Variants in GNG7 observed in about 807,000 individuals in gnomAD.
GNG7 encodes guanine nucleotide-binding protein G(I)/G(S)/G(O) subunit gamma-7.
In GNG7, 1 loss-of-function variant was observed where a neutral mutation model predicts 4.0. That is an observed-to-expected ratio of 0.25 (90% CI 0.09 to 1.18). The LOEUF is 1.18. Among genes scored for constraint, GNG7 ranks in the 50% most tolerant of loss-of-function variants. The pLI, the probability that GNG7 is intolerant of heterozygous loss-of-function variation, is 0.50. For synonymous variants in GNG7, 34 were observed against 36.9 expected, an observed-to-expected ratio of 0.92 and a Z score of 0.29; for missense variants, 86 against 91.9, an observed-to-expected ratio of 0.94 and a Z score of 0.26.
chr19:2,620,853 A>G (rs894317336), intron 2 of GNG7, among the ~76,000 whole-genome samples: 1 of 151,318 alleles, frequency 6.6e-6, no homozygotes, highest in Admixed American at 6.6e-5. Flanking sequence ...CAGAGAACAG[A>G]CTCCTGCGGT....
chr19:2,565,237 C>T (rs913142483), intron 2 of GNG7, among the ~76,000 whole-genome samples: 11 of 151,200 alleles, frequency 7.3e-5, no homozygotes, highest in South Asian at 2.1e-4. Flanking sequence ...CTGTGCCAGG[C>T]GCGGTGGCTC....
At chr19:2,520,881 T>C (rs764011188) in intron 3 of GNG7, among the ~76,000 whole-genome samples, 156 bp from the exon 4 acceptor site, 4 of 152,114 alleles carry the variant, frequency 2.6e-5, no homozygotes, top group Admixed American at 6.6e-5. Context: ...GAGCTGGCAC[T>C]CGTTTAACTC....
chr19:2,644,783 T>G (rs1982621901), intron 2 of GNG7, among the ~76,000 whole-genome samples: 1 of 152,232 alleles, frequency 6.6e-6, no homozygotes, highest in Admixed American at 6.5e-5. Context: ...ACATCCACAC[T>G]GTGGCCTGTG....
chr19:2,565,347 T>A (rs905633241), intron 2 of GNG7, among the ~76,000 whole-genome samples: 3 of 151,430 alleles, frequency 2.0e-5, no homozygotes, highest in Non-Finnish European at 4.4e-5. Flanking sequence ...CCGTCTCTAC[T>A]AAAAAAATAC....
chr19:2,615,924 G>A (rs955613141), intron 2 of GNG7, among the ~76,000 whole-genome samples: 12 of 152,178 alleles, frequency 7.9e-5, no homozygotes, highest in East Asian at 1.9e-4. Flanking sequence ...GAAGGGCCTC[G>A]GCAAAGGGGC....
At position 2,614,431 on chromosome 19, in the gene GNG7, T is replaced by A. The variant is rs1025841074; in HGVS notation, c.-78+31793A>T. ...GCCCCCCAAAAAGACACCCCATCCC[T>A]ATCAGCTGTCACTTCCCATCCCCCT... is the stretch of plus-strand genomic sequence containing the variant. On this transcript the variant is annotated intron_variant, in intron 2 of 4. Coordinates refer to ENST00000382159, the MANE Select transcript of GNG7 (RefSeq NM_052847.3). This position sits in a 1 kb window ranked among gnomAD's most constrained non-coding sequence, Gnocchi z 6.0. Among the ~76,000 whole-genome samples the A allele has an allele frequency of 6.6e-5, 10 of 152,058 alleles. No homozygotes were observed. Among genetic ancestry groups the A allele is most frequent in the Admixed American group, 6.6e-4 (10 of 15,266 alleles).
chr19:2,669,021 C>A (rs995548957), intron 1 of GNG7, among the ~76,000 whole-genome samples: 1 of 152,168 alleles, frequency 6.6e-6, no homozygotes, highest in Non-Finnish European at 1.5e-5. Context: ...ATAAGGGATA[C>A]ATATAATCCT....
intron 4 of GNG7, among the ~76,000 whole-genome samples, chr19:2,518,335 G>A (rs1282335663): frequency 2.0e-5 from 3 of 152,154 alleles, no homozygotes; most frequent in African/African-American, 7.2e-5. Context: ...CCCGGGCTGG[G>A]GGCTGGCACC....
chr19:2,521,619 T>TTTTTG (rs1978309347), intron 3 of GNG7, among the ~76,000 whole-genome samples: 1 of 143,448 alleles, frequency 7.0e-6, no homozygotes, highest in Non-Finnish European at 1.5e-5. Flanking sequence ...CGTGTTTTTT[T>TTTTTG]TTTTTTTTTT....
At chr19:2,554,829 A>G (rs2144762606) in intron 3 of GNG7, among the ~76,000 whole-genome samples, 1 of 152,294 alleles carries the variant, frequency 6.6e-6, no homozygotes, top group East Asian at 1.9e-4. Context: ...TGCTGGGATT[A>G]CAGGCGTGAG....
rs1169205447 is a variant in GNG7 at position 2,618,512 on chromosome 19, C to A, written c.-78+27712G>T. Among the ~76,000 whole-genome samples the A allele has an allele frequency of 6.6e-6, 1 of 151,922 alleles. No homozygotes were observed. The highest frequency in any genetic ancestry group is 2.4e-5 in the African/African-American group (1 of 41,342). ...TACAGGCACGTGCCACCACACCCAC[C>A]TAATTTTTGTATTTTCAGTGGAGAC... is the stretch of plus-strand genomic sequence containing the variant. On this transcript the variant is annotated intron_variant, in intron 2 of 4. Coordinates refer to ENST00000382159, the MANE Select transcript of GNG7 (RefSeq NM_052847.3). The surrounding 1 kb of genome is among the most constrained non-coding windows in gnomAD (Gnocchi z 5.1).
intron 2 of GNG7, among the ~76,000 whole-genome samples, chr19:2,607,835 G>A (rs910652580): frequency 2.0e-5 from 3 of 152,014 alleles, no homozygotes; most frequent in Non-Finnish European, 4.4e-5. Flanking sequence ...AGCACAGACC[G>A]GCGCTCACCA....
At chr19:2,671,204 C>A (rs1983443501) in intron 1 of GNG7, among the ~76,000 whole-genome samples, 1 of 152,060 alleles carries the variant, frequency 6.6e-6, no homozygotes, top group Admixed American at 6.6e-5. Context: ...GTGACGACCA[C>A]AAATCAGTAC....
chr19:2,679,910 G>A (rs543755811), intron 1 of GNG7, among the ~76,000 whole-genome samples: 1 of 152,222 alleles, frequency 6.6e-6, no homozygotes, highest in South Asian at 2.1e-4. Context: ...TCCAATGCCA[G>A]AATCCCTTAA....
At chr19:2,587,379 G>A (rs924174107) in intron 2 of GNG7, among the ~76,000 whole-genome samples, 10 of 152,136 alleles carry the variant, frequency 6.6e-5, no homozygotes, top group African/African-American at 2.2e-4. Flanking sequence ...GGTCCTGGGC[G>A]GAAGGGCAGA....
chr19:2,592,814 A>AAGAG (rs144538545), intron 2 of GNG7, among the ~76,000 whole-genome samples: 19 of 109,522 alleles, frequency 1.7e-4, no homozygotes, highest in African/African-American at 6.3e-4. Context: ...GAAAGAAAGA[A>AAGAG]AGAGAGAGAG....
At chr19:2,588,990 G>A (rs1348935852) in intron 2 of GNG7, among the ~76,000 whole-genome samples, 3 of 152,142 alleles carry the variant, frequency 2.0e-5, no homozygotes, top group East Asian at 1.9e-4. Flanking sequence ...GTGTAATGGC[G>A]CGATCTTGGC....
intron 3 of GNG7, among the ~76,000 whole-genome samples, chr19:2,552,188 C>G (rs889188492): frequency 2.0e-5 from 3 of 151,944 alleles, no homozygotes; most frequent in Admixed American, 1.3e-4. Context: ...CCCATCTCTA[C>G]TAAAAAATAC....
At chr19:2,642,500 G>C (rs985482918) in intron 2 of GNG7, 1 of 344,850 alleles carries the variant, frequency 2.9e-6, no homozygotes, top group African/African-American at 2.2e-5. Flanking sequence ...TCAGTAGCTG[G>C]GATTTCAGGT....
Sources: gnomAD v4.1 joint callset for allele counts (sites outside exome capture counted in the v4.1 genomes callset) on GRCh38, gnomAD v4.1.1 for gene constraint, Gnocchi (gnomAD v3.1) non-coding constraint, MANE v1.5 for transcripts, NCBI Gene and HGNC (gene_info 2026-07-23, HGNC 2026-07-21) for gene names.